Variants in ANKS1B observed in about 807,000 individuals in gnomAD.
ANKS1B encodes the protein ankyrin repeat and sterile alpha motif domain containing 1B.
A neutral mutation model predicts 148.3 loss-of-function variants in ANKS1B; 36 were observed. The ratio of observed to expected loss-of-function variants is 0.24; its 90% CI spans 0.19 to 0.32. The LOEUF is 0.32. ANKS1B is among the 10% of genes least tolerant of loss of function. The probability of loss-of-function intolerance (pLI) is 1.00; values close to 1 mark genes in which losing one functional copy is unlikely to be tolerated. For missense variants in ANKS1B, 1,157 were observed against 1,542.6 expected (o/e 0.75, Z 4.19); for synonymous variants, 542 against 560.8 (o/e 0.97, Z 0.47).
At chr12:99,116,681 G>T (rs1600341049) in intron 15 of ANKS1B, among the ~76,000 whole-genome samples, 1 of 151,828 alleles carries the variant, frequency 6.6e-6, no homozygotes, top group Non-Finnish European at 1.5e-5. Context: ...GGCTATATGG[G>T]CTCTTTTTTT....
chr12:99,239,474 C>T (rs1165222980), intron 14 of ANKS1B, among the ~76,000 whole-genome samples: 4 of 152,166 alleles, frequency 2.6e-5, no homozygotes, highest in Non-Finnish European at 2.9e-5. Context: ...GGAGAATGAA[C>T]CAAGTTAGAA....
At chr12:99,855,380 G>T (rs759346219) in intron 1 of ANKS1B, among the ~76,000 whole-genome samples, 7 of 152,022 alleles carry the variant, frequency 4.6e-5, no homozygotes, top group Non-Finnish European at 7.4e-5. Flanking sequence ...AAATATATAT[G>T]CACCTAACAC....
intron 8 of ANKS1B, 124 bp from the exon 9 acceptor site, chr12:99,655,334 C>CTGTGGCTAAA: frequency 3.7e-6 from 3 of 817,964 alleles, no homozygotes; most frequent in Non-Finnish European, 5.5e-6. Flanking sequence ...CTTTTAGCCA[C>CTGTGGCTAAA]AGTTACATGG....
intron 10 of ANKS1B, among the ~76,000 whole-genome samples, chr12:99,494,251 A>C (rs2096581447): frequency 6.6e-6 from 1 of 152,136 alleles, no homozygotes; most frequent in African/African-American, 2.4e-5. Flanking sequence ...GGGAATAGAC[A>C]CCTGACTAAA....
intron 1 of ANKS1B, among the ~76,000 whole-genome samples, chr12:99,905,625 C>G (rs2093751259): frequency 1.3e-5 from 2 of 152,196 alleles, no homozygotes; most frequent in African/African-American, 4.8e-5. Context: ...TCTCACAATT[C>G]TAAAGGCCAG....
chr12:99,909,151 C>T (rs1245673898), intron 1 of ANKS1B, among the ~76,000 whole-genome samples: 1 of 151,528 alleles, frequency 6.6e-6, no homozygotes, highest in East Asian at 1.9e-4. Context: ...GGATACTGTC[C>T]TCCAGGTTTA....
At chr12:99,625,611 G>A (rs2098104586) in intron 9 of ANKS1B, among the ~76,000 whole-genome samples, 1 of 152,118 alleles carries the variant, frequency 6.6e-6, no homozygotes, top group African/African-American at 2.4e-5. Flanking sequence ...AGTTGTCCAT[G>A]ATACAAATGT....
intron 12 of ANKS1B, among the ~76,000 whole-genome samples, chr12:99,327,189 A>C (rs1479067708): frequency 1.7e-5 from 2 of 118,696 alleles, no homozygotes; most frequent in African/African-American, 3.5e-5. Flanking sequence ...TATTTATTAT[A>C]ATTATATAAT....
At chr12:99,696,607 A>G (rs1256874835) in intron 8 of ANKS1B, among the ~76,000 whole-genome samples, 2 of 152,238 alleles carry the variant, frequency 1.3e-5, no homozygotes, top group East Asian at 3.8e-4. Context: ...TGTAAAATGA[A>G]AAGCTATAAA....
At chr12:99,437,864 C>G (rs1348142110) in intron 11 of ANKS1B, among the ~76,000 whole-genome samples, 1 of 151,792 alleles carries the variant, frequency 6.6e-6, no homozygotes, top group African/African-American at 2.4e-5. Flanking sequence ...CATCAAACTA[C>G]TAAAAAGATT....
At chr12:99,389,414 T>C (rs1249539571) in intron 12 of ANKS1B, among the ~76,000 whole-genome samples, 10 of 152,216 alleles carry the variant, frequency 6.6e-5, no homozygotes, top group Non-Finnish European at 1.3e-4. Context: ...TGTTTTCAAC[T>C]AGGGGGAAGG....
intron 14 of ANKS1B, among the ~76,000 whole-genome samples, chr12:99,162,132 A>G (rs562650212): frequency 4.6e-5 from 7 of 152,326 alleles, no homozygotes; most frequent in South Asian, 2.1e-4. Context: ...AGACAAATCT[A>G]TAGAGACAGA....
chr12:99,391,365 A>G (rs1392911933), intron 12 of ANKS1B, among the ~76,000 whole-genome samples: 1 of 152,186 alleles, frequency 6.6e-6, no homozygotes, highest in Non-Finnish European at 1.5e-5. Context: ...TGCAGCTTCA[A>G]CTGCTGTCAT....
At chr12:99,304,325 T>C (rs2082066799) in intron 12 of ANKS1B, among the ~76,000 whole-genome samples, 1 of 152,152 alleles carries the variant, frequency 6.6e-6, no homozygotes, top group African/African-American at 2.4e-5. Flanking sequence ...GGAGACTGTT[T>C]TAAATAGAGG....
intron 26 of ANKS1B, among the ~76,000 whole-genome samples, chr12:98,750,193 A>C (rs575357220): frequency 1.1e-4 from 16 of 152,292 alleles, no homozygotes; most frequent in African/African-American, 3.8e-4. Flanking sequence ...GGGTTGGGTC[A>C]GTGCTGAATG....
At chr12:99,144,472 G>A (rs541227473) in intron 15 of ANKS1B, among the ~76,000 whole-genome samples, 8 of 152,144 alleles carry the variant, frequency 5.3e-5, no homozygotes, top group South Asian at 2.1e-4. Context: ...TAAACCTCAC[G>A]TAGACTGAGT....
intron 7 of ANKS1B, among the ~76,000 whole-genome samples, chr12:99,773,990 T>G (rs2063430106): frequency 1.3e-5 from 2 of 152,054 alleles, no homozygotes; most frequent in African/African-American, 2.4e-5. Flanking sequence ...ATCCCCTATG[T>G]AAAAATCAAT....
At chr12:99,094,748 T>G (rs1002264553) in intron 15 of ANKS1B, among the ~76,000 whole-genome samples, 5 of 152,126 alleles carry the variant, frequency 3.3e-5, no homozygotes, top group Non-Finnish European at 7.4e-5. Flanking sequence ...GACGAAGACC[T>G]GGGAAAGAAA....
intron 1 of ANKS1B, among the ~76,000 whole-genome samples, chr12:99,867,044 T>C (rs2090850581): frequency 6.6e-6 from 1 of 152,182 alleles, no homozygotes; most frequent in Non-Finnish European, 1.5e-5. Flanking sequence ...GCACCAGTAA[T>C]CTCACAGTAA....
Sources: allele counts gnomAD v4.1 joint callset (sites outside exome capture counted in the v4.1 genomes callset), GRCh38; gene constraint gnomAD v4.1.1; transcripts MANE v1.5; gene names NCBI Gene and HGNC (gene_info 2026-07-23, HGNC 2026-07-21).